Variants in PSIP1 observed in about 807,000 individuals in gnomAD.
The protein encoded by PSIP1 is PC4 and SFRS1-interacting protein.
PSIP1 carries 19 observed loss-of-function variants against 74.7 expected under a neutral mutation model. The observed-to-expected ratio is 0.25, with a 90% CI of 0.18 to 0.37. PSIP1 has a LOEUF of 0.37. Ranked by LOEUF, PSIP1 falls within the 10% of genes least tolerant of loss-of-function variation. The probability of loss-of-function intolerance (pLI) is 1.00; values close to 1 mark genes in which losing one functional copy is unlikely to be tolerated. For missense variants in PSIP1, 601 were observed against 614.3 expected (o/e 0.98, Z 0.23); for synonymous variants, 222 against 195.3 (o/e 1.14, Z -1.14).
At chr9:15,469,092 A>T in intron 12 of PSIP1, 34 bp from the exon 13 acceptor site, 1 of 1,565,398 alleles carries the variant, frequency 6.4e-7, no homozygotes, top group Non-Finnish European at 8.8e-7. Context: ...ATAGCTGTTA[A>T]TTATCTTAAC....
At chr9:15,472,870 T>A in intron 9 of PSIP1, 120 bp from the exon 10 acceptor site, 1 of 882,170 alleles carries the variant, frequency 1.1e-6, no homozygotes, top group South Asian at 1.6e-5. Flanking sequence ...ATACTCAAAT[T>A]AGCAACCTAA....
At chr9:15,471,692 C>G (rs772513381) in intron 10 of PSIP1, 5 of 962,114 alleles carry the variant, frequency 5.2e-6, no homozygotes, top group African/African-American at 1.8e-5. Flanking sequence ...CTTGTATATC[C>G]TCCAAACTAA....
intron 7 of PSIP1, 86 bp from the exon 8 acceptor site, chr9:15,478,638 T>C: frequency 1.1e-6 from 1 of 933,376 alleles, no homozygotes; most frequent in South Asian, 1.4e-5. Flanking sequence ...AAATGATACA[T>C]ACTATTTAAG....
chr9:15,466,720 A>G (rs773645120), intron 15 of PSIP1, 28 bp downstream of exon 15: 2 of 1,543,786 alleles, frequency 1.3e-6, no homozygotes, highest in Admixed American at 1.8e-5. Context: ...TAAAAAACAC[A>G]CAAGACCCAT....
chr9:15,479,524 C>G (rs2036243915), intron 7 of PSIP1, 67 bp downstream of exon 7: 1 of 1,265,998 alleles, frequency 7.9e-7, no homozygotes, highest in African/African-American at 1.5e-5. Flanking sequence ...TTTGAGGCAG[C>G]AACACTTTAA....
chr9:15,478,215 C>G (rs1397730028), intron 8 of PSIP1, among the ~76,000 whole-genome samples: 1 of 150,162 alleles, frequency 6.7e-6, no homozygotes, highest in Non-Finnish European at 1.5e-5. Context: ...CCCAATTTCT[C>G]TATTATATAT....
At chr9:15,505,271 T>C (rs2037535331) in intron 3 of PSIP1, 1 of 152,190 alleles carries the variant, frequency 6.6e-6, no homozygotes, top group African/African-American at 2.4e-5. Context: ...TCGCAAGAGA[T>C]GCTAATGGTG....
rs757616100 is a variant in PSIP1 at position 15,486,044 on chromosome 9, T to C, written c.418A>G (p.Thr140Ala). 2.5e-6 allele frequency: 4 copies of C among 1,609,294 alleles called. No individual in the cohort carries two copies. The highest frequency in any genetic ancestry group is 1.3e-5 in the African/African-American group (1 of 74,874). ...CCCCTTCTGGCAGCTTTTGGAGTAG[T>C]TATGTCAACTGCTTTAGTCACATCC... ...NEDVTKAVDI[T>A]TPKAARRGRK... Residue 140 changes from threonine (T) to alanine (A), a missense_variant, in exon 6 of 16, where the codon ACT becomes GCT. Thr to Ala is a moderately conservative substitution (Grantham distance 58, BLOSUM62 0). Coordinates refer to ENST00000380733, the MANE Select transcript of PSIP1 (RefSeq NM_033222.5).
chr9:15,487,908 G>C (rs537006651), intron 4 of PSIP1, among the ~76,000 whole-genome samples: 1 of 152,260 alleles, frequency 6.6e-6, no homozygotes, highest in East Asian at 1.9e-4. Context: ...AAGTAATAAA[G>C]TCACTAATCA....
chr9:15,507,076 T>C (rs763425465), intron 2 of PSIP1, among the ~76,000 whole-genome samples: 8 of 152,180 alleles, frequency 5.3e-5, no homozygotes, highest in Non-Finnish European at 1.0e-4. Context: ...AGGAAATCTA[T>C]ACAAATAACA....
chr9:15,468,728 T>G lies in PSIP1; in HGVS notation c.1322A>C (p.Asn441Thr). 1 of 1,614,140 alleles carries G rather than the reference T, an allele frequency of 6.2e-7. No individual in the cohort carries two copies. Among genetic ancestry groups the G allele is most frequent in the African/African-American group, 1.3e-5 (1 of 75,060 alleles). Residue 441 changes from asparagine to threonine, a missense_variant, in exon 14 of 16, where the codon AAT (asparagine) becomes ACT (threonine). Physicochemically the swap from Asn to Thr is moderately conservative, Grantham distance 65. This residue lies in a region of PSIP1 where 538 missense variants were observed against 507.6 expected (regional missense o/e 1.06). Coordinates refer to ENST00000380733, the MANE Select transcript of PSIP1 (RefSeq NM_033222.5). ...EGDSVITQVL[N>T]KSLAEQRQHE... ...CTGTCTTTGTTCAGCAAGAGATTTA[T>G]TCAGCACTTGGGTGATCACGGAATC...
Position 15,488,110 on chromosome 9 carries a change from C to G in PSIP1, c.289-1179G>C, listed in dbSNP as rs2036634617. Among the ~76,000 whole-genome samples, 3 of 152,046 alleles carry G rather than the reference C, an allele frequency of 2.0e-5. No homozygotes were observed. In the South Asian group the frequency reaches 6.2e-4, roughly 32 times the overall value. On this transcript the variant is annotated intron_variant, in intron 4 of 15. Transcript: ENST00000380733. ...CTTTGGGAGGCTGAGGTGGGTGGAT[C>G]ACGAGGTCAGGAGTTCAAGACTGGC...
At chr9:15,482,637 C>T (rs894750102) in intron 6 of PSIP1, among the ~76,000 whole-genome samples, 3 of 152,164 alleles carry the variant, frequency 2.0e-5, no homozygotes, top group Non-Finnish European at 4.4e-5. Flanking sequence ...CATGTATTTA[C>T]ATAAAATAAT....
intron 4 of PSIP1, among the ~76,000 whole-genome samples, chr9:15,488,258 G>T (rs2036642975): frequency 6.6e-6 from 1 of 152,046 alleles, no homozygotes; most frequent in African/African-American, 2.4e-5. Context: ...CTTGACCTGG[G>T]GGGCAGAGGC....
At chr9:15,466,911 T>C (rs1216700068) in intron 14 of PSIP1, 52 bp from the exon 15 acceptor site, 9 of 1,360,496 alleles carry the variant, frequency 6.6e-6, no homozygotes, top group Admixed American at 3.7e-5. Context: ...AAAACAATAA[T>C]TGAAGGTGTC....
intron 14 of PSIP1, among the ~76,000 whole-genome samples, chr9:15,467,941 A>G (rs1587451481): frequency 6.6e-6 from 1 of 151,416 alleles, no homozygotes; most frequent in African/African-American, 2.4e-5. Flanking sequence ...ACCAACATGG[A>G]GAAACCCCGT....
intron 15 of PSIP1, 42 bp downstream of exon 15, chr9:15,466,706 A>G (rs2035648588): frequency 3.4e-6 from 5 of 1,476,358 alleles, no homozygotes. Context: ...AAAAACCTGA[A>G]TAATAAAAAA....
chr9:15,493,636 C>A (rs1176459729), intron 3 of PSIP1, among the ~76,000 whole-genome samples: 1 of 152,142 alleles, frequency 6.6e-6, no homozygotes, highest in Non-Finnish European at 1.5e-5. Flanking sequence ...CTCAAAGTTC[C>A]GCATGGCTGG....
At chr9:15,492,548 C>T (rs1456336009) in intron 3 of PSIP1, among the ~76,000 whole-genome samples, 1 of 152,172 alleles carries the variant, frequency 6.6e-6, no homozygotes, top group African/African-American at 2.4e-5. Context: ...TGCAAGCTGT[C>T]GGTGGATCTA....
Sources: allele counts gnomAD v4.1 joint callset (sites outside exome capture counted in the v4.1 genomes callset), GRCh38; gene constraint gnomAD v4.1.1; regional missense constraint gnomAD v4.1.1; transcripts MANE v1.5; gene names NCBI Gene and HGNC (gene_info 2026-07-23, HGNC 2026-07-21).